Variants in NKAIN3 observed in about 807,000 individuals in gnomAD.
NKAIN3 encodes sodium/potassium-transporting ATPase subunit beta-1-interacting protein 3.
In NKAIN3, 25 loss-of-function variants were observed where a neutral mutation model predicts 30.2. The ratio of observed to expected loss-of-function variants is 0.83; its 90% CI spans 0.60 to 1.16. The LOEUF (loss-of-function observed/expected upper bound fraction) is 1.16. Ranked by LOEUF, NKAIN3 falls within the 50% of genes most tolerant of loss-of-function variation. The probability of loss-of-function intolerance (pLI) is 0.00; values close to 1 mark genes in which losing one functional copy is unlikely to be tolerated. For missense variants in NKAIN3, 225 were observed against 254.1 expected, an observed-to-expected ratio of 0.89 and a Z score of 0.78; for synonymous variants, 91 against 89.6, an observed-to-expected ratio of 1.02 and a Z score of -0.09.
intron 1 of NKAIN3, among the ~76,000 whole-genome samples, chr8:62,423,802 C>A (rs1804720516): frequency 6.6e-6 from 1 of 151,952 alleles, no homozygotes; most frequent in African/African-American, 2.4e-5. Flanking sequence ...ATTTAGCTCC[C>A]CATGACTAAT....
intron 4 of NKAIN3, among the ~76,000 whole-genome samples, chr8:62,765,246 C>CAAAAAAAAAAAA (rs34477671): frequency 4.7e-5 from 2 of 42,480 alleles, no homozygotes; most frequent in African/African-American, 1.6e-4. Flanking sequence ...GACTCCATCT[C>CAAAAAAAAAAAA]AAAAAAAAAA....
chr8:62,777,979 C>T (rs1402629407), intron 4 of NKAIN3, among the ~76,000 whole-genome samples: 1 of 152,100 alleles, frequency 6.6e-6, no homozygotes, highest in African/African-American at 2.4e-5. Context: ...TGTTGGGGGG[C>T]TTGGATAAGA....
chr8:62,503,437 A>G (rs1807525011), intron 1 of NKAIN3, among the ~76,000 whole-genome samples: 1 of 152,166 alleles, frequency 6.6e-6, no homozygotes, highest in African/African-American at 2.4e-5. Context: ...TCAGCGGTGC[A>G]CATATTGTCT....
chr8:62,843,586 C>A (rs527292174), intron 4 of NKAIN3, among the ~76,000 whole-genome samples: 51 of 152,088 alleles, frequency 3.4e-4, no homozygotes, highest in Non-Finnish European at 6.0e-4. Context: ...CAGCCCACCT[C>A]GGCCTCCCAA....
At chr8:62,949,310 C>T (rs758844386) in intron 5 of NKAIN3, among the ~76,000 whole-genome samples, 10 of 152,160 alleles carry the variant, frequency 6.6e-5, no homozygotes, top group Non-Finnish European at 1.3e-4. Flanking sequence ...ATGGAAACTT[C>T]ATTTGTGTGT....
chr8:62,926,751 G>A (rs1387364740), intron 5 of NKAIN3, among the ~76,000 whole-genome samples: 1 of 152,064 alleles, frequency 6.6e-6, no homozygotes, highest in Non-Finnish European at 1.5e-5. Flanking sequence ...AAAAGCAGTG[G>A]GAATGATTTC....
chr8:62,922,080 T>C (rs1822297443), intron 5 of NKAIN3, among the ~76,000 whole-genome samples: 1 of 152,124 alleles, frequency 6.6e-6, no homozygotes, highest in Non-Finnish European at 1.5e-5. Context: ...ACCCTAACAG[T>C]TTTTGAAAGG....
chr8:62,820,591 C>G (rs996494839), intron 4 of NKAIN3, among the ~76,000 whole-genome samples: 3 of 152,016 alleles, frequency 2.0e-5, no homozygotes, highest in Admixed American at 2.0e-4. Context: ...TTTGCTGAAG[C>G]AAAATATATT....
intron 3 of NKAIN3, among the ~76,000 whole-genome samples, chr8:62,707,173 G>T (rs1319585939): frequency 6.6e-6 from 1 of 152,060 alleles, no homozygotes; most frequent in Non-Finnish European, 1.5e-5. Context: ...ATTGTGAATT[G>T]TGCTGCTATA....
At chr8:62,495,285 A>G (rs1374143523) in intron 1 of NKAIN3, among the ~76,000 whole-genome samples, 2 of 152,154 alleles carry the variant, frequency 1.3e-5, no homozygotes, top group East Asian at 1.9e-4. Flanking sequence ...GAATAAGAGT[A>G]TTGATAAATA....
intron 4 of NKAIN3, chr8:62,856,477 T>C: frequency 1.3e-6 from 1 of 784,266 alleles, no homozygotes; most frequent in East Asian, 2.4e-5. Flanking sequence ...CCCAGGTTTC[T>C]TCAGGTGCTT....
intron 5 of NKAIN3, among the ~76,000 whole-genome samples, chr8:62,930,066 A>G (rs73262891): frequency 0.04 from 6,029 of 152,246 alleles, 361 homozygotes; most frequent in African/African-American, 0.13. Context: ...ACGTGACATA[A>G]TATTAACCAT....
At chr8:62,483,707 G>C in intron 1 of NKAIN3, 1 of 303,538 alleles carries the variant, frequency 3.3e-6, no homozygotes, top group Non-Finnish European at 6.5e-6. Flanking sequence ...AGCCCTTGCC[G>C]AGTCAATAAA....
chr8:62,736,038 G>C (rs1424307380), intron 3 of NKAIN3, among the ~76,000 whole-genome samples: 1 of 152,220 alleles, frequency 6.6e-6, no homozygotes, highest in African/African-American at 2.4e-5. Context: ...CAGCCCTGGT[G>C]GACGTAGCAA....
chr8:62,721,893 C>T (rs773147234), intron 3 of NKAIN3, among the ~76,000 whole-genome samples: 13 of 152,142 alleles, frequency 8.5e-5, no homozygotes, highest in Admixed American at 2.0e-4. Context: ...ATCTACTCAT[C>T]GTCTCTTGAA....
chr8:62,678,394 T>C (rs1813543703), intron 3 of NKAIN3, among the ~76,000 whole-genome samples: 1 of 152,186 alleles, frequency 6.6e-6, no homozygotes, highest in Non-Finnish European at 1.5e-5. Context: ...TATGATATCA[T>C]GCAATCTTCG....
chr8:62,254,489 A>G (rs1373073080), intron 1 of NKAIN3, among the ~76,000 whole-genome samples: 1 of 152,146 alleles, frequency 6.6e-6, no homozygotes, highest in Non-Finnish European at 1.5e-5. Flanking sequence ...AAGAGGTTGG[A>G]AAGAATCAAC....
chr8:62,666,303 G>A (rs1263560067), intron 3 of NKAIN3, among the ~76,000 whole-genome samples: 1 of 152,142 alleles, frequency 6.6e-6, no homozygotes, highest in African/African-American at 2.4e-5. Context: ...AAATATATGT[G>A]TGTGAGAAGA....
chr8:62,864,063 C>A, intron 4 of NKAIN3: 1 of 685,804 alleles, frequency 1.5e-6, no homozygotes, highest in South Asian at 1.6e-5. Flanking sequence ...GAATGGGCAA[C>A]ACTTTCCTGG....
Sources: allele counts gnomAD v4.1 joint callset (sites outside exome capture counted in the v4.1 genomes callset), GRCh38; gene constraint gnomAD v4.1.1; transcripts MANE v1.5; gene names NCBI Gene and HGNC (gene_info 2026-07-23, HGNC 2026-07-21).